The following CAP2 variants were observed in gnomAD, a reference collection of about 807,000 sequenced individuals.
CAP2 encodes the protein cyclase associated actin cytoskeleton regulatory protein 2.
Under a neutral mutation model 57.7 loss-of-function variants are expected in CAP2, and 24 were observed. The observed-to-expected ratio is 0.42, with a 90% CI of 0.30 to 0.58. The LOEUF is 0.58. CAP2 is among the 20% of genes least tolerant of loss of function. CAP2 has a pLI of 0.22. For missense variants in CAP2, 501 were observed against 590.3 expected, an observed-to-expected ratio of 0.85 and a Z score of 1.57; for synonymous variants, 194 against 207.2, an observed-to-expected ratio of 0.94 and a Z score of 0.55.
intron 3 of CAP2, among the ~76,000 whole-genome samples, chr6:17,461,992 C>CAAAAATAAAAAAAAAA (rs1760739672): frequency 3.6e-5 from 1 of 27,844 alleles, no homozygotes; most frequent in Non-Finnish European, 1.5e-4. Flanking sequence ...GACTCCGTCT[C>CAAAAATAAAAAAAAAA]AAAAAAAAAA....
intron 6 of CAP2, among the ~76,000 whole-genome samples, chr6:17,509,162 T>C (rs1294156023): frequency 6.6e-6 from 1 of 152,124 alleles, no homozygotes; most frequent in Admixed American, 6.6e-5. Context: ...AAAAATTGCA[T>C]AAAATACATA....
intron 12 of CAP2, among the ~76,000 whole-genome samples, chr6:17,553,354 C>T (rs937187773): frequency 1.7e-4 from 23 of 132,150 alleles, no homozygotes; most frequent in African/African-American, 5.9e-4. Context: ...AGGTCTTGGC[C>T]GCGTGCTGTG....
intron 12 of CAP2, among the ~76,000 whole-genome samples, chr6:17,553,908 C>T (rs1309772914): frequency 6.6e-6 from 1 of 152,192 alleles, no homozygotes; most frequent in Admixed American, 6.5e-5. Flanking sequence ...GGCACATTCT[C>T]TACTTGGCCT....
chr6:17,440,614 G>GTGTGTGTGTGT (rs1554122866), intron 3 of CAP2, among the ~76,000 whole-genome samples: 154 of 141,678 alleles, frequency 1.1e-3, no homozygotes, highest in South Asian at 3.4e-3. Flanking sequence ...AACTGTGTGT[G>GTGTGTGTGTGT]GTGTGTGTGT....
intron 4 of CAP2, among the ~76,000 whole-genome samples, chr6:17,495,791 A>C (rs1163431752): frequency 6.6e-6 from 1 of 152,028 alleles, no homozygotes; most frequent in Non-Finnish European, 1.5e-5. Context: ...TTTTCACACA[A>C]GTTTAGGTGT....
intron 4 of CAP2, among the ~76,000 whole-genome samples, chr6:17,489,999 T>C (rs1235200775): frequency 6.6e-6 from 1 of 152,122 alleles, no homozygotes; most frequent in Non-Finnish European, 1.5e-5. Flanking sequence ...CACAACACAA[T>C]GCATTATCCC....
rs1223417956 is a variant in CAP2, at chr6:17,435,212, C to T, written c.222+8522C>T. ...ATCCAAATGAGTATAAATCATGCTG[C>T]TATAAAGACACATGCACACGTATGT... On this transcript the variant is annotated intron_variant, in intron 3 of 12. Transcript: ENST00000229922. 2.8e-3 allele frequency among the ~76,000 whole-genome samples: 298 copies of T among 106,178 alleles called. 1 individual carries two copies. Among genetic ancestry groups the T allele is most frequent in the African/African-American group, 9.9e-3 (279 of 28,296 alleles). 69.7% of individuals were successfully genotyped at this position (106,178 alleles called of 152,430 possible).
chr6:17,432,154 G>A (rs985980435), intron 3 of CAP2, among the ~76,000 whole-genome samples: 1 of 152,066 alleles, frequency 6.6e-6, no homozygotes, highest in African/African-American at 2.4e-5. Context: ...CTTATCTCTG[G>A]AATAAATAAT....
At chr6:17,504,697 T>C (rs1296723516) in intron 4 of CAP2, among the ~76,000 whole-genome samples, 1 of 152,116 alleles carries the variant, frequency 6.6e-6, no homozygotes, top group African/African-American at 2.4e-5. Context: ...AGAAATACAT[T>C]TTATTTGGCA....
intron 7 of CAP2, among the ~76,000 whole-genome samples, chr6:17,529,115 A>C (rs1202597786): frequency 1.3e-5 from 2 of 152,200 alleles, no homozygotes; most frequent in Non-Finnish European, 2.9e-5. Context: ...CAAAAGTCAT[A>C]AATTCAATTC....
chr6:17,509,365 A>C (rs1762082519), intron 6 of CAP2, among the ~76,000 whole-genome samples: 1 of 152,132 alleles, frequency 6.6e-6, no homozygotes. Flanking sequence ...GTTAAGAACT[A>C]TGTAACAATA....
chr6:17,487,939 T>C (rs990373554), intron 4 of CAP2, among the ~76,000 whole-genome samples: 7 of 151,694 alleles, frequency 4.6e-5, no homozygotes, highest in African/African-American at 1.7e-4. Flanking sequence ...CCACTATGCC[T>C]AGCTAGTTTT....
At chr6:17,485,899 G>A (rs1258440691) in intron 4 of CAP2, among the ~76,000 whole-genome samples, 1 of 152,216 alleles carries the variant, frequency 6.6e-6, no homozygotes, top group South Asian at 2.1e-4. Context: ...TGGAATGGAA[G>A]AAGGACATCC....
At chr6:17,419,340 T>C (rs1759369558) in intron 1 of CAP2, among the ~76,000 whole-genome samples, 1 of 152,224 alleles carries the variant, frequency 6.6e-6, no homozygotes, top group Admixed American at 6.5e-5. Context: ...AGAAGCATGC[T>C]GTTCCTCTTT....
At position 17,507,503 on chromosome 6, in the gene CAP2, T is replaced by A. The variant is rs1302165849; in HGVS notation, c.445-138T>A. 3.7e-6 allele frequency: 3 copies of A among 800,014 alleles called. No individual in the cohort carries two copies. In the African/African-American group the frequency reaches 5.2e-5, roughly 14 times the overall value. The allele number at this position is 800,014 out of a possible 1,614,324, so 49.6% of individuals were successfully genotyped here. Reference sequence around the variant, plus strand: ...TGAGATACTGTAGAAAGTGTTTTTATCAACCTTTACAGAGCAACATGTGCC... The same window carrying A: ...TGAGATACTGTAGAAAGTGTTTTTAACAACCTTTACAGAGCAACATGTGCC... On this transcript the variant is annotated intron_variant, in intron 5 of 12. Transcript: ENST00000229922.
intron 1 of CAP2, among the ~76,000 whole-genome samples, chr6:17,404,474 G>C (rs1325233457): frequency 6.6e-6 from 1 of 152,180 alleles, no homozygotes; most frequent in African/African-American, 2.4e-5. Context: ...GCGTGGTGGC[G>C]AGTGCCTGTA....
At chr6:17,499,398 CAAAAAAAA>C (rs71002217) in intron 4 of CAP2, among the ~76,000 whole-genome samples, 1 of 69,566 alleles carries the variant, frequency 1.4e-5, no homozygotes, top group Non-Finnish European at 2.8e-5. Context: ...GACTCCATCT[CAAAAAAAA>C]AAAAAAAAAA....
At chr6:17,531,776 C>T (rs1441067117) in intron 7 of CAP2, 4 of 577,968 alleles carry the variant, frequency 6.9e-6, no homozygotes, top group South Asian at 4.4e-5. Flanking sequence ...TCAGCTTCTC[C>T]TTTTAGGATA....
chr6:17,555,656 T>C (rs1763284852), intron 12 of CAP2, among the ~76,000 whole-genome samples: 2 of 151,934 alleles, frequency 1.3e-5, no homozygotes, highest in Admixed American at 1.3e-4. Context: ...CTCTGCCTCC[T>C]GGGTTCAAGC....
Sources: allele counts gnomAD v4.1 joint callset (sites outside exome capture counted in the v4.1 genomes callset), GRCh38; gene constraint gnomAD v4.1.1; transcripts MANE v1.5; gene names NCBI Gene and HGNC (gene_info 2026-07-23, HGNC 2026-07-21).